Variants in VEPH1 observed in about 807,000 individuals in gnomAD.
The protein encoded by VEPH1 is ventricular zone expressed PH domain containing 1, also known as ventricular zone-expressed PH domain-containing protein homolog 1.
VEPH1 carries 80 observed loss-of-function variants against 85.2 expected under a neutral mutation model. The ratio of observed to expected loss-of-function variants is 0.94; its 90% CI spans 0.78 to 1.13. The LOEUF (loss-of-function observed/expected upper bound fraction) is 1.13, where lower values mean the gene tolerates loss of function less well. Ranked by LOEUF, VEPH1 falls within the 50% of genes most tolerant of loss-of-function variation. The pLI, the probability that VEPH1 is intolerant of heterozygous loss-of-function variation, is 0.00. For missense variants in VEPH1, 955 were observed against 980.5 expected (o/e 0.97, Z 0.35); for synonymous variants, 297 against 348.0 (o/e 0.85, Z 1.63).
At position 157,410,676 on chromosome 3, in the gene VEPH1, T is replaced by C. The variant is rs565154104; in HGVS notation, c.906+3205A>G. On this transcript the variant is annotated intron_variant, in intron 6 of 13. Coordinates refer to ENST00000362010, the MANE Select transcript of VEPH1 (RefSeq NM_001167912.2). ...AAAATAACTTTCTTACAGTAATATT[T>C]CAGGCATTACAAATAATCAAGAAAG... Among the ~76,000 whole-genome samples, 4 of 152,308 alleles carry C rather than the reference T, an allele frequency of 2.6e-5. No individual in the cohort carries two copies. In the South Asian group the frequency reaches 8.3e-4, roughly 32 times the overall value.
chr3:157,313,700 G>T lies in VEPH1; in HGVS notation c.1931C>A (p.Ala644Asp). ...IQSHSVQFLR[A>D]LWEKTQAGGA... ...CCCTGCCTGGGTCTTCTCCCACAGA[G>T]CTCTGAGGAATTGCACAGAATGACT... Residue 644 changes from alanine (A) to aspartate (D), a missense_variant, in exon 11 of 14, where the codon GCT (alanine) becomes GAT (aspartate). By Grantham distance (126) the Ala-to-Asp change is moderately radical. Coordinates refer to ENST00000362010, the MANE Select transcript of VEPH1 (RefSeq NM_001167912.2). The T allele has an allele frequency of 6.2e-7, 1 of 1,614,088 alleles. No homozygotes were observed. The highest frequency in any genetic ancestry group is 1.1e-5 in the South Asian group (1 of 91,076).
chr3:157,309,500 T>C (rs559704852), intron 11 of VEPH1, among the ~76,000 whole-genome samples: 5 of 152,294 alleles, frequency 3.3e-5, no homozygotes, highest in African/African-American at 1.2e-4. Context: ...AAACCCAGTC[T>C]AATTAGTGAC....
At chr3:157,500,014 C>A (rs1464940781) in intron 1 of VEPH1, among the ~76,000 whole-genome samples, 3 of 152,096 alleles carry the variant, frequency 2.0e-5, no homozygotes, top group African/African-American at 7.2e-5. Flanking sequence ...TTGAAGTATG[C>A]GGGAAGTTGC....
At chr3:157,379,272 A>G (rs1174899374) in intron 7 of VEPH1, among the ~76,000 whole-genome samples, 1 of 152,080 alleles carries the variant, frequency 6.6e-6, no homozygotes, top group Non-Finnish European at 1.5e-5. Context: ...CTGAGCACAT[A>G]TTATTAAGCC....
chr3:157,499,574 G>A (rs994685939), intron 1 of VEPH1: 2 of 152,148 alleles, frequency 1.3e-5, no homozygotes, highest in African/African-American at 4.8e-5. Flanking sequence ...GCAGCCTGAT[G>A]CCACCGGCAG....
intron 9 of VEPH1, among the ~76,000 whole-genome samples, chr3:157,349,623 A>G (rs1724623552): frequency 6.6e-6 from 1 of 152,208 alleles, no homozygotes; most frequent in South Asian, 2.1e-4. Context: ...GATCATATAT[A>G]TAGAAAAACC....
At chr3:157,482,616 G>A (rs569573877) in intron 2 of VEPH1, among the ~76,000 whole-genome samples, 1 of 152,292 alleles carries the variant, frequency 6.6e-6, no homozygotes, top group South Asian at 2.1e-4. Context: ...CAATCCATGA[G>A]CATGGAATAT....
At position 157,428,485 on chromosome 3, in the gene VEPH1, T is replaced by C; in HGVS notation, c.533A>G (p.Asn178Ser). The change falls in exon 5 of 14, where the codon AAC becomes AGC. Residue 178 changes from asparagine (N) to serine (S), a missense_variant. By Grantham distance (46) the Asn-to-Ser change is conservative. Transcript: ENST00000362010. ...AGGTAACACTCTCAACAACATGGTG[T>C]TACCTGTTGAGGGAACAATAAAGGG... ...EVIVKSILQG[N>S]TMLLRVLPAV... The C allele has an allele frequency of 1.2e-6, 2 of 1,613,430 alleles. No individual in the cohort carries two copies. Among genetic ancestry groups the C allele is most frequent in the Non-Finnish European group, 1.7e-6 (2 of 1,179,854 alleles).
intron 4 of VEPH1, among the ~76,000 whole-genome samples, 178 bp from the exon 5 acceptor site, chr3:157,428,666 G>A (rs537136843): frequency 3.9e-5 from 6 of 152,228 alleles, no homozygotes; most frequent in South Asian, 4.1e-4. Context: ...GATTTAATCC[G>A]ATTCCACAAA....
At chr3:157,362,739 T>C (rs1370247913) in intron 9 of VEPH1, among the ~76,000 whole-genome samples, 2 of 152,180 alleles carry the variant, frequency 1.3e-5, no homozygotes, top group Non-Finnish European at 2.9e-5. Context: ...GTCCTAAGTG[T>C]TCTGGGCATG....
At chr3:157,394,746 C>T (rs1730204069) in intron 6 of VEPH1, among the ~76,000 whole-genome samples, 1 of 152,144 alleles carries the variant, frequency 6.6e-6, no homozygotes, top group South Asian at 2.1e-4. Context: ...GCATACCTCA[C>T]TCTGAAACTA....
At chr3:157,421,710 T>C (rs1393696129) in intron 5 of VEPH1, among the ~76,000 whole-genome samples, 2 of 152,208 alleles carry the variant, frequency 1.3e-5, no homozygotes, top group African/African-American at 4.8e-5. Context: ...GGGTGTGCTC[T>C]AGTTCTAGGG....
chr3:157,419,174 A>T (rs1299268522), intron 5 of VEPH1, among the ~76,000 whole-genome samples: 1 of 152,228 alleles, frequency 6.6e-6, no homozygotes, highest in Non-Finnish European at 1.5e-5. Flanking sequence ...TCATAAAAAA[A>T]TTAACTCAAG....
chr3:157,434,364 C>A (rs569909686), intron 4 of VEPH1, among the ~76,000 whole-genome samples: 9 of 152,014 alleles, frequency 5.9e-5, no homozygotes, highest in Non-Finnish European at 1.5e-5. Flanking sequence ...CAGGCTGGAA[C>A]GCAGTGGTGT....
chr3:157,322,005 G>C lies in VEPH1; in HGVS notation c.1736-4804C>G, dbSNP rs978096370. Among the ~76,000 whole-genome samples, 4 of 151,928 alleles carry C rather than the reference G, an allele frequency of 2.6e-5. No individual in the cohort carries two copies. In the South Asian group the frequency reaches 8.3e-4, roughly 32 times the overall value. On this transcript the variant is annotated intron_variant, in intron 9 of 13. Transcript: ENST00000362010. ...ACCATTTTTAGGTGCACAATTCGCT[G>C]GCATTAAATACATTCACATTGTTGT...
intron 2 of VEPH1, among the ~76,000 whole-genome samples, chr3:157,489,686 C>T (rs1481400521): frequency 6.7e-6 from 1 of 148,578 alleles, no homozygotes; most frequent in African/African-American, 2.5e-5. Flanking sequence ...TCTGTCTTAC[C>T]CAATTAAATG....
intron 12 of VEPH1, among the ~76,000 whole-genome samples, chr3:157,277,040 T>C (rs1004339495): frequency 2.6e-5 from 4 of 152,108 alleles, no homozygotes; most frequent in African/African-American, 9.7e-5. Flanking sequence ...ACTACAGGCA[T>C]GCGCCACCAC....
In VEPH1 at chr3:157,260,883, C is replaced by A; in HGVS notation, c.*251G>T. ...TGGCCCCACACTATCTGAGGGCATA[C>A]TCTGTAGCTCCTTTTATTTTATTTT... is the stretch of plus-strand genomic sequence containing the variant. On this transcript the variant is annotated 3_prime_UTR_variant, in exon 14 of 14. Coordinates refer to ENST00000362010, the MANE Select transcript of VEPH1 (RefSeq NM_001167912.2). 4.6e-6 allele frequency: 2 copies of A among 437,874 alleles called. No homozygotes were observed. The highest frequency in any genetic ancestry group is 7.8e-6 in the Non-Finnish European group (2 of 255,408). The allele number at this position is 437,874 out of a possible 1,614,324, so 27.1% of individuals were successfully genotyped here. A position where few individuals can be genotyped will look rare whatever the true frequency, so the allele number is the denominator to read the frequency against.
At position 157,308,724 on chromosome 3, in the gene VEPH1, T is replaced by C. The variant is rs547715066; in HGVS notation, c.2010+4897A>G. Among the ~76,000 whole-genome samples, 65 of 152,248 alleles carry C rather than the reference T, an allele frequency of 4.3e-4. 1 individual carries two copies. The South Asian group carries it at 0.013, about 30-fold the overall frequency. On this transcript the variant is annotated intron_variant, in intron 11 of 13. Coordinates refer to ENST00000362010, the MANE Select transcript of VEPH1 (RefSeq NM_001167912.2). ...TTAACTTAGGAAGTATTAACATTTT[T>C]GTCATATTTGCTATTTCCAATCAGG... is the stretch of plus-strand genomic sequence containing the variant.
Sources: gnomAD v4.1 joint callset for allele counts (sites outside exome capture counted in the v4.1 genomes callset) on GRCh38, gnomAD v4.1.1 for gene constraint, MANE v1.5 for transcripts, NCBI Gene and HGNC (gene_info 2026-07-23, HGNC 2026-07-21) for gene names.